DNAH3: variants seen among roughly 807,000 people sequenced by gnomAD.
DNAH3 encodes axonemal beta dynein heavy chain 3.
In DNAH3, 332 loss-of-function variants were observed where a neutral mutation model predicts 432.5. That is an observed-to-expected ratio of 0.77 (90% CI 0.70 to 0.84). DNAH3 has a LOEUF of 0.84. Among genes scored for constraint, DNAH3 ranks in the 40% least tolerant of loss-of-function variants. DNAH3 has a pLI of 0.00. For missense variants in DNAH3, 4,861 were observed against 5,114.0 expected (o/e 0.95, Z 1.51); for synonymous variants, 1,956 against 1,900.2 (o/e 1.03, Z -0.76).
At chr16:21,080,532 G>A (rs1156566748) in intron 20 of DNAH3, among the ~76,000 whole-genome samples, 8 of 152,170 alleles carry the variant, frequency 5.3e-5, no homozygotes, top group Non-Finnish European at 1.2e-4. Flanking sequence ...ATTCAGACTA[G>A]CTGCACTGTA....
At chr16:21,123,792 T>C (rs147538533) in intron 9 of DNAH3, among the ~76,000 whole-genome samples, 8 of 152,194 alleles carry the variant, frequency 5.3e-5, no homozygotes, top group African/African-American at 1.7e-4. Flanking sequence ...TTTTCAGTTT[T>C]CTCTCTTTTT....
chr16:21,125,373 G>A lies in DNAH3; in HGVS notation c.1209-3C>T, dbSNP rs377582187. 14 of 1,590,984 alleles carry A rather than the reference G, an allele frequency of 8.8e-6. No homozygotes were observed. Among genetic ancestry groups the A allele is most frequent in the African/African-American group, 1.3e-5 (1 of 74,306 alleles). The stretch of plus-strand genomic sequence containing the variant: ...GCTGGGCGCAGGTGGGGATCCACCT[G>A]TAAAGACAGAAGGGTGTCCATGTGA... On this transcript the variant is annotated splice_region_variant and splice_polypyrimidine_tract_variant and intron_variant, in intron 8 of 61. Transcript: ENST00000261383.
At chr16:21,128,327 T>C (rs770956807) in intron 7 of DNAH3, among the ~76,000 whole-genome samples, 10 of 151,918 alleles carry the variant, frequency 6.6e-5, no homozygotes, top group Non-Finnish European at 1.3e-4. Flanking sequence ...GGAGAGAGGA[T>C]GGCTTTGAGC....
At chr16:20,975,009 A>G (rs1462696031) in intron 51 of DNAH3, among the ~76,000 whole-genome samples, 1 of 121,518 alleles carries the variant, frequency 8.2e-6, no homozygotes, top group Non-Finnish European at 1.7e-5. Context: ...TTTTTTTTTT[A>G]AAGTAGAGAT....
At chr16:20,964,980 C>T in exon 53 of DNAH3, 1 of 1,614,188 alleles carries the variant, frequency 6.2e-7, no homozygotes, top group Non-Finnish European at 8.5e-7. Flanking sequence ...TGATCAGTTT[C>T]TCTGCCCTGA....
chr16:20,934,724 G>T (rs916947120), intron 61 of DNAH3, among the ~76,000 whole-genome samples: 12 of 152,034 alleles, frequency 7.9e-5, no homozygotes, highest in African/African-American at 2.9e-4. Flanking sequence ...TCAACATCAA[G>T]AAAGATGGTT....
chr16:21,118,992 A>G (rs1307516476), intron 11 of DNAH3, among the ~76,000 whole-genome samples: 2 of 152,166 alleles, frequency 1.3e-5, no homozygotes, highest in East Asian at 3.9e-4. Context: ...AAATGCATCA[A>G]TTTAGAAAGG....
Position 20,982,686 on chromosome 16 carries a change from A to G in DNAH3, c.7859+35T>C, listed in dbSNP as rs1056740505. 2.6e-6 allele frequency: 4 copies of G among 1,553,058 alleles called. No homozygotes were observed. The African/African-American group carries it at 5.5e-5, about 21-fold the overall frequency. On this transcript the variant is annotated intron_variant, in intron 49 of 61. Transcript: ENST00000261383. Reference sequence around the variant, plus strand: ...GCCAGCGTCTGGACTTCAAATTTGGAATATCTAGAGTCCTAAAATGCAATC... The same window carrying G: ...GCCAGCGTCTGGACTTCAAATTTGGGATATCTAGAGTCCTAAAATGCAATC...
At chr16:20,934,596 G>GT (rs1166669382) in intron 61 of DNAH3, among the ~76,000 whole-genome samples, 1 of 152,116 alleles carries the variant, frequency 6.6e-6, no homozygotes, top group Non-Finnish European at 1.5e-5. Context: ...TCAAGGTGTG[G>GT]TTTCTCCTGA....
In DNAH3 at chr16:21,106,525, C is replaced by T. The variant is rs371737391; in HGVS notation, c.2249G>A (p.Arg750Gln). Residue 750 changes from arginine to glutamine, a missense_variant, in exon 15 of 62, where the codon CGG becomes CAG. Arg to Gln is a conservative substitution (Grantham distance 43). Coordinates refer to ENST00000261383, the Ensembl canonical transcript of DNAH3. The stretch of plus-strand genomic sequence containing the variant: ...TGCATAGTCCATCAGGAACTCCAGC[C>T]GTTCACTTGCATCTCTAAGTTGCCT... 66 of 1,611,432 alleles carry T rather than the reference C, an allele frequency of 4.1e-5. No homozygotes were observed. The Admixed American group carries it at 6.5e-4, about 16-fold the overall frequency.
At chr16:21,148,734 A>C (rs1432417369) in intron 1 of DNAH3, among the ~76,000 whole-genome samples, 1 of 152,194 alleles carries the variant, frequency 6.6e-6, no homozygotes, top group Admixed American at 6.5e-5. Flanking sequence ...AACAGTCATA[A>C]GTACGCTGAT....
chr16:20,939,433 G>A (rs976663170), intron 59 of DNAH3, among the ~76,000 whole-genome samples: 2 of 152,054 alleles, frequency 1.3e-5, no homozygotes, highest in African/African-American at 2.4e-5. Flanking sequence ...CCAACATGGC[G>A]AAATCCTGTC....
intron 42 of DNAH3, among the ~76,000 whole-genome samples, chr16:21,002,844 T>A (rs1398794449): frequency 6.6e-6 from 1 of 152,164 alleles, no homozygotes; most frequent in African/African-American, 2.4e-5. Context: ...TGTGTTCATG[T>A]ATAACACCTC....
chr16:21,076,702 A>C (rs9926773), intron 20 of DNAH3, among the ~76,000 whole-genome samples: 43,166 of 151,800 alleles, frequency 0.28, 6,391 homozygotes, highest in South Asian at 0.37. Context: ...ACCTGACATT[A>C]ATTAATCCTT....
At chr16:21,058,029 T>C (rs1039141300) in intron 27 of DNAH3, 57 bp downstream of exon 27, 1 of 1,059,488 alleles carries the variant, frequency 9.4e-7, no homozygotes, top group African/African-American at 1.6e-5. Context: ...TTATACGTCA[T>C]TCAAATCCTA....
chr16:21,143,064 C>T (rs8052157), intron 3 of DNAH3, among the ~76,000 whole-genome samples: 66,292 of 151,974 alleles, frequency 0.44, 14,736 homozygotes, highest in East Asian at 0.69. Flanking sequence ...GACACCAGTG[C>T]CGCTCTGAAG....
chr16:20,997,227 G>A, intron 44 of DNAH3, 56 bp downstream of exon 44: 1 of 1,560,396 alleles, frequency 6.4e-7, no homozygotes, highest in Non-Finnish European at 8.7e-7. Context: ...TCATAAAGGT[G>A]GCCCAGCTCT....
chr16:21,113,460 T>TAA (rs2092118891), intron 12 of DNAH3, among the ~76,000 whole-genome samples: 5 of 151,946 alleles, frequency 3.3e-5, no homozygotes, highest in African/African-American at 1.2e-4. Context: ...GTCTTTAATT[T>TAA]TATTTTATTT....
intron 32 of DNAH3, among the ~76,000 whole-genome samples, chr16:21,040,400 T>A: frequency 7.8e-6 from 1 of 127,908 alleles, no homozygotes; most frequent in Admixed American, 8.5e-5. Flanking sequence ...ACAGAGTCTC[T>A]GTCACCCAGG....
Sources: gnomAD v4.1 joint callset for allele counts (sites outside exome capture counted in the v4.1 genomes callset) on GRCh38, gnomAD v4.1.1 for gene constraint, MANE v1.5 for transcripts, NCBI Gene and HGNC (gene_info 2026-07-23, HGNC 2026-07-21) for gene names.